Variants in U2SURP observed in about 807,000 individuals in gnomAD.
U2SURP encodes U2 snRNP-associated SURP motif-containing protein.
A neutral mutation model predicts 144.9 loss-of-function variants in U2SURP; 9 were observed. That is an observed-to-expected ratio of 0.06 (90% confidence interval 0.04 to 0.11). The LOEUF is 0.11. Among genes scored for constraint, U2SURP ranks in the 10% least tolerant of loss-of-function variants. The probability of loss-of-function intolerance (pLI) is 1.00; values close to 1 mark genes in which losing one functional copy is unlikely to be tolerated. For synonymous variants in U2SURP, 408 were observed against 396.8 expected (o/e 1.03, Z -0.33); for missense variants, 724 against 1,226.7 (o/e 0.59, Z 6.12).
rs774893223 is a variant in U2SURP at position 143,010,875 on chromosome 3, AATC to A, written c.90+17_90+19del. On this transcript the variant is annotated intron_variant, in intron 2 of 27. Transcript: ENST00000473835. ...AGATGCACATGTGAGTATAGAAGGC[AATC>A]TTTGTCTTTTTTCCTTTAAAATTTA... 1.3e-6 allele frequency: 2 copies of A among 1,593,300 alleles called. No individual in the cohort carries two copies. The highest frequency in any genetic ancestry group is 3.4e-5 in the Admixed American group (2 of 58,580).
chr3:143,036,557 C>G (rs1370661255), intron 20 of U2SURP, among the ~76,000 whole-genome samples: 3 of 152,044 alleles, frequency 2.0e-5, no homozygotes, highest in African/African-American at 7.2e-5. Flanking sequence ...TTCTGCCATG[C>G]TAGTCAAGCT....
At chr3:143,024,561 C>A (rs919212623) in intron 13 of U2SURP, 3 of 420,892 alleles carry the variant, frequency 7.1e-6, no homozygotes, top group African/African-American at 6.3e-5. Flanking sequence ...ATTTGGAATT[C>A]TTTTATTTTC....
At position 143,018,562 on chromosome 3, in the gene U2SURP, C is replaced by G. The variant is rs147858506; in HGVS notation, c.571-1407C>G. Reference sequence around the variant, plus strand: ...CTTATGTTTTCAGTTCTCTTGGATACATGTATATACACACACCGAGAAGTG... The same window carrying G: ...CTTATGTTTTCAGTTCTCTTGGATAGATGTATATACACACACCGAGAAGTG... On this transcript the variant is annotated intron_variant, in intron 6 of 27. Coordinates refer to ENST00000473835, the MANE Select transcript of U2SURP (RefSeq NM_001080415.2). Among the ~76,000 whole-genome samples the G allele has an allele frequency of 8.0e-4, 121 of 152,000 alleles. No individual in the cohort carries two copies. In the Middle Eastern group the frequency reaches 0.01, roughly 13 times the overall value.
chr3:143,021,585 ATATGCTT>A (rs754115078), intron 10 of U2SURP, 30 bp downstream of exon 10: 1 of 1,578,634 alleles, frequency 6.3e-7, no homozygotes, highest in Non-Finnish European at 8.7e-7. Context: ...ATGTTGATTG[ATATGCTT>A]TATGCTTTTG....
intron 25 of U2SURP, among the ~76,000 whole-genome samples, chr3:143,053,214 C>G (rs1934976796): frequency 6.6e-6 from 1 of 151,898 alleles, no homozygotes; most frequent in African/African-American, 2.4e-5. Flanking sequence ...TTAGCTTTTT[C>G]TGATTGGAAT....
chr3:143,014,294 T>C lies in U2SURP; in HGVS notation c.223-17T>C. Reference sequence around the variant, plus strand: ...CATTAAGAATCTATATGTAAAAGTATGCTTTTTATTTCTTAGCCTCTTCTG... The same window carrying C: ...CATTAAGAATCTATATGTAAAAGTACGCTTTTTATTTCTTAGCCTCTTCTG... On this transcript the variant is annotated splice_polypyrimidine_tract_variant and intron_variant, in intron 3 of 27. Transcript: ENST00000473835. The C allele has an allele frequency of 1.3e-6, 2 of 1,538,218 alleles. No individual in the cohort carries two copies. The highest frequency in any genetic ancestry group is 1.8e-6 in the Non-Finnish European group (2 of 1,125,094).
Position 143,034,800 on chromosome 3 carries a change from T to G in U2SURP, c.1854-88T>G, listed in dbSNP as rs575382864. On this transcript the variant is annotated intron_variant, in intron 18 of 27. Transcript: ENST00000473835. ...TTTCTTGATTTGTAAGTATTTTAAG[T>G]TCAGGAGGGGTTTTCATTGGCTGGC... 65 of 782,946 alleles carry G rather than the reference T, an allele frequency of 8.3e-5. No homozygotes were observed. The African/African-American group carries it at 1.1e-3, about 13-fold the overall frequency. The allele number at this position is 782,946 out of a possible 1,614,324, so 48.5% of individuals were successfully genotyped here. A position where few individuals can be genotyped will look rare whatever the true frequency, so the allele number is the denominator to read the frequency against.
intron 19 of U2SURP, among the ~76,000 whole-genome samples, chr3:143,035,407 A>C (rs536073842): frequency 6.6e-6 from 1 of 152,334 alleles, no homozygotes; most frequent in Non-Finnish European, 1.5e-5. Flanking sequence ...GAATAAGTAA[A>C]TATGCTTTCA....
At chr3:143,037,762 G>C (rs1394338329) in intron 21 of U2SURP, among the ~76,000 whole-genome samples, 1 of 152,016 alleles carries the variant, frequency 6.6e-6, no homozygotes, top group African/African-American at 2.4e-5. Flanking sequence ...ACTGTAGACA[G>C]CTCTTTGGTA....
At chr3:143,005,919 T>C (rs1270387504) in intron 1 of U2SURP, among the ~76,000 whole-genome samples, 1 of 152,198 alleles carries the variant, frequency 6.6e-6, no homozygotes, top group East Asian at 1.9e-4. Flanking sequence ...AATAGTAATA[T>C]TACAAACTAT....
rs1352268459 is a variant in U2SURP at position 143,057,714 on chromosome 3, G to A, written c.*1264G>A. 1 of 151,420 alleles carries A rather than the reference G, an allele frequency of 6.6e-6. No individual in the cohort carries two copies. The highest frequency in any genetic ancestry group is 1.5e-5 in the Non-Finnish European group (1 of 67,694). 9.4% of individuals were successfully genotyped at this position (151,420 alleles called of 1,614,324 possible). On this transcript the variant is annotated 3_prime_UTR_variant, in exon 28 of 28. Transcript: ENST00000473835. ...TAGGCACTTCATACACTGGTTTGATGGGTTTTTTTTTTCCTCCCTAAAAGA... is the reference window on the plus strand; with the variant it reads ...TAGGCACTTCATACACTGGTTTGATAGGTTTTTTTTTTCCTCCCTAAAAGA...
chr3:143,039,618 T>C (rs1458240771), intron 23 of U2SURP, among the ~76,000 whole-genome samples: 1 of 150,984 alleles, frequency 6.6e-6, no homozygotes, highest in Non-Finnish European at 1.5e-5. Flanking sequence ...TTTTTTTTTT[T>C]TTAAATGAGT....
intron 20 of U2SURP, 85 bp from the exon 21 acceptor site, chr3:143,037,094 C>T (rs1181894501): frequency 7.4e-7 from 1 of 1,343,646 alleles, no homozygotes; most frequent in African/African-American, 1.4e-5. Context: ...GTTATGTTGG[C>T]TTGTACTGGA....
intron 10 of U2SURP, 49 bp downstream of exon 10, chr3:143,021,604 A>G (rs1463335554): frequency 1.3e-6 from 2 of 1,528,596 alleles, no homozygotes; most frequent in East Asian, 4.5e-5. Flanking sequence ...ATGCTTTTGG[A>G]AGAAAGCTTT....
At chr3:143,029,649 A>G (rs946827213) in intron 16 of U2SURP, among the ~76,000 whole-genome samples, 10 of 152,206 alleles carry the variant, frequency 6.6e-5, no homozygotes, top group Admixed American at 5.9e-4. Context: ...TTCAGGTGAA[A>G]GGAAGAGTCT....
intron 25 of U2SURP, among the ~76,000 whole-genome samples, chr3:143,052,073 A>G (rs1007432113): frequency 9.2e-5 from 14 of 152,282 alleles, no homozygotes; most frequent in Admixed American, 9.2e-4. Context: ...TGGAAAAAAG[A>G]TAAATGAGAT....
At chr3:143,053,269 C>T (rs1250613482) in intron 25 of U2SURP, among the ~76,000 whole-genome samples, 1 of 152,098 alleles carries the variant, frequency 6.6e-6, no homozygotes, top group Non-Finnish European at 1.5e-5. Context: ...GACTCTAGAG[C>T]TTGGTCTCAA....
At chr3:143,033,534 G>T (rs957445563) in intron 18 of U2SURP, among the ~76,000 whole-genome samples, 184 bp downstream of exon 18, 3 of 152,070 alleles carry the variant, frequency 2.0e-5, no homozygotes, top group Non-Finnish European at 4.4e-5. Context: ...AAGAAAAATT[G>T]TATCTGTACC....
chr3:143,016,409 T>C (rs1277478700), intron 5 of U2SURP, 38 bp downstream of exon 5: 2 of 1,553,926 alleles, frequency 1.3e-6, no homozygotes, highest in Non-Finnish European at 8.8e-7. Context: ...AAAGCATAAC[T>C]GTATTACAGT....
Sources: allele counts gnomAD v4.1 joint callset (sites outside exome capture counted in the v4.1 genomes callset), GRCh38; gene constraint gnomAD v4.1.1; transcripts MANE v1.5; gene names NCBI Gene and HGNC (gene_info 2026-07-23, HGNC 2026-07-21).